Variants in PLXNA4 observed in about 807,000 individuals in gnomAD.
The protein encoded by PLXNA4 is plexin A4.
A neutral mutation model predicts 191.8 loss-of-function variants in PLXNA4; 44 were observed. The observed-to-expected ratio is 0.23, with a 90% confidence interval of 0.18 to 0.29. The LOEUF is 0.29. Among genes scored for constraint, PLXNA4 ranks in the 10% least tolerant of loss-of-function variants. The pLI is 1.00. For synonymous variants in PLXNA4, 1,082 were observed against 1,009.5 expected, an observed-to-expected ratio of 1.07 and a Z score of -1.36; for missense variants, 1,800 against 2,488.8, an observed-to-expected ratio of 0.72 and a Z score of 5.89.
rs1163943572 is a variant in PLXNA4, at chr7:132,562,727, G to A, written c.-87+13695C>T. On this transcript the variant is annotated intron_variant, in intron 1 of 31. Transcript: ENST00000321063. ...CCTTCACCTCCTCCTCCTTTTCCTC[G>A]TCCTCCTCCTTCTCCTCCTCCTTCT... 1.7e-3 allele frequency among the ~76,000 whole-genome samples: 52 copies of A among 30,214 alleles called. 2 individuals carry two copies. The highest frequency in any genetic ancestry group is 1.3e-3 in the East Asian group (1 of 768). The allele number at this position is 30,214 out of a possible 152,430, so 19.8% of individuals were successfully genotyped here.
chr7:132,157,590 T>A (rs1795834462), intron 25 of PLXNA4, among the ~76,000 whole-genome samples: 1 of 152,156 alleles, frequency 6.6e-6, no homozygotes, highest in Non-Finnish European at 1.5e-5. Context: ...CTGGCACAAC[T>A]TTGCAATCTC....
At chr7:132,474,578 A>C (rs745568907) in intron 3 of PLXNA4, among the ~76,000 whole-genome samples, 4 of 151,716 alleles carry the variant, frequency 2.6e-5, no homozygotes, top group Admixed American at 6.6e-5. Flanking sequence ...CACTTTCTTC[A>C]CTGGGGTCTC....
Position 132,148,535 on chromosome 7 carries a change from C to T in PLXNA4, c.4764+8G>A. On this transcript the variant is annotated splice_region_variant and intron_variant, in intron 26 of 31. Transcript: ENST00000321063. ...GGCTAGCTCCTCCCCTTTCCACATT[C>T]CCCTCACCTGGTAGTGGGCCAGTGT... 1 of 1,614,054 alleles carries T rather than the reference C, an allele frequency of 6.2e-7. No individual in the cohort carries two copies. Among genetic ancestry groups the T allele is most frequent in the Middle Eastern group, 1.6e-4 (1 of 6,062 alleles).
chr7:132,251,767 G>A (rs1332640545), intron 4 of PLXNA4, among the ~76,000 whole-genome samples: 2 of 152,328 alleles, frequency 1.3e-5, no homozygotes, highest in East Asian at 3.9e-4. Context: ...CACCTATGGG[G>A]GGCAGAAGTG....
At chr7:132,149,634 G>A (rs1485866152) in intron 25 of PLXNA4, among the ~76,000 whole-genome samples, 3 of 152,210 alleles carry the variant, frequency 2.0e-5, no homozygotes, top group African/African-American at 4.8e-5. Context: ...GAAGCCAGAC[G>A]TTTGGTTTCC....
upstream of PLXNA4, among the ~76,000 whole-genome samples, chr7:132,581,016 A>G (rs1802392859): frequency 6.6e-6 from 1 of 152,206 alleles, no homozygotes; most frequent in Non-Finnish European, 1.5e-5. Flanking sequence ...TGCTTTCTGC[A>G]TGTGTCACCA....
At chr7:132,579,557 A>T (rs531482969), upstream of PLXNA4, among the ~76,000 whole-genome samples, 20 of 151,146 alleles carry the variant, frequency 1.3e-4, no homozygotes, top group South Asian at 1.5e-3. Context: ...GTGGCAAATA[A>T]AATGTGTTTA....
chr7:132,586,486 C>T (rs1252131637), intron 2 of PLXNA4, among the ~76,000 whole-genome samples: 4 of 152,182 alleles, frequency 2.6e-5, no homozygotes, highest in Non-Finnish European at 5.9e-5. Flanking sequence ...CATGGTGGCT[C>T]ACGCCTATGA....
At chr7:132,494,202 G>A (rs1490150000) in intron 2 of PLXNA4, among the ~76,000 whole-genome samples, 2 of 152,344 alleles carry the variant, frequency 1.3e-5, no homozygotes, top group East Asian at 3.9e-4. Context: ...AGCAAAGGTA[G>A]TTCTTCCCAA....
intron 3 of PLXNA4, among the ~76,000 whole-genome samples, chr7:132,311,166 G>GTC (rs1801718927): frequency 1.5e-5 from 2 of 131,612 alleles, no homozygotes; most frequent in African/African-American, 5.9e-5. Context: ...TTGTGTGTGT[G>GTC]TGTGTGTGTG....
chr7:132,624,346 C>T (rs1803328990), intron 2 of PLXNA4, among the ~76,000 whole-genome samples: 1 of 152,190 alleles, frequency 6.6e-6, no homozygotes, highest in Admixed American at 6.5e-5. Flanking sequence ...CAGTCCCTGG[C>T]CATAAGCACA....
intron 3 of PLXNA4, among the ~76,000 whole-genome samples, chr7:132,467,227 G>A (rs972463651): frequency 5.3e-5 from 8 of 152,178 alleles, no homozygotes; most frequent in Non-Finnish European, 5.9e-5. Context: ...AGAGTGGCTG[G>A]TCTTGGGGCC....
chr7:132,311,958 G>A (rs1055479937), intron 3 of PLXNA4, among the ~76,000 whole-genome samples: 8 of 152,028 alleles, frequency 5.3e-5, no homozygotes, highest in African/African-American at 1.7e-4. Context: ...GGGGCCCTGG[G>A]GCCAGGAGAG....
intron 5 of PLXNA4, among the ~76,000 whole-genome samples, chr7:132,237,206 C>T (rs1184091334): frequency 6.6e-6 from 1 of 152,202 alleles, no homozygotes; most frequent in Non-Finnish European, 1.5e-5. Context: ...ACCTACTCTA[C>T]TTATCCAGGA....
chr7:132,142,312 C>T (rs1795294121), intron 29 of PLXNA4, among the ~76,000 whole-genome samples: 2 of 152,162 alleles, frequency 1.3e-5, no homozygotes, highest in Non-Finnish European at 2.9e-5. Flanking sequence ...TCCTCTGCTC[C>T]CACCTCTGCC....
In PLXNA4 at chr7:132,574,500, G is replaced by A. The variant is rs989293905; in HGVS notation, c.-87+1922C>T. 5.3e-5 allele frequency among the ~76,000 whole-genome samples: 8 copies of A among 152,248 alleles called. No individual in the cohort carries two copies. The East Asian group carries it at 9.6e-4, about 18-fold the overall frequency. On this transcript the variant is annotated intron_variant, in intron 1 of 31. Transcript: ENST00000321063. ...GGTGGACCCCATTGTCACACATGGC[G>A]GGGGCGGGGAGCTGACCACATTTAG...
At chr7:132,520,889 G>A (rs1286649455) in intron 1 of PLXNA4, among the ~76,000 whole-genome samples, 1 of 151,308 alleles carries the variant, frequency 6.6e-6, no homozygotes, top group African/African-American at 2.5e-5. Context: ...GCTATTTGGG[G>A]CTCACTCAGC....
At chr7:132,617,833 G>T (rs1803185682) in intron 2 of PLXNA4, among the ~76,000 whole-genome samples, 1 of 152,198 alleles carries the variant, frequency 6.6e-6, no homozygotes, top group African/African-American at 2.4e-5. Context: ...AATAAGAGTT[G>T]TTTATACCAG....
At chr7:132,213,965 C>A (rs1797883260) in intron 9 of PLXNA4, among the ~76,000 whole-genome samples, 1 of 152,116 alleles carries the variant, frequency 6.6e-6, no homozygotes, top group South Asian at 2.1e-4. Context: ...CCCTCATGGA[C>A]CCCATCTATT....
Sources: gnomAD v4.1 joint callset for allele counts (sites outside exome capture counted in the v4.1 genomes callset) on GRCh38, gnomAD v4.1.1 for gene constraint, MANE v1.5 for transcripts, NCBI Gene and HGNC (gene_info 2026-07-23, HGNC 2026-07-21) for gene names.